The following FBXO11 variants were observed in gnomAD, a reference collection of about 807,000 sequenced individuals.
The protein encoded by FBXO11 is F-box only protein 11.
FBXO11 carries 13 observed loss-of-function variants against 117.0 expected under a neutral mutation model. The ratio of observed to expected loss-of-function variants is 0.11; its 90% CI spans 0.07 to 0.18. The LOEUF is 0.18. FBXO11 is among the 10% of genes least tolerant of loss of function. FBXO11 has a pLI of 1.00. For synonymous variants in FBXO11, 490 were observed against 380.5 expected, an observed-to-expected ratio of 1.29 and a Z score of -3.35; for missense variants, 767 against 1,164.4, an observed-to-expected ratio of 0.66 and a Z score of 4.97.
At chr2:47,844,766 C>T (rs756014139) in intron 1 of FBXO11, among the ~76,000 whole-genome samples, 10 of 152,218 alleles carry the variant, frequency 6.6e-5, no homozygotes, top group Non-Finnish European at 1.5e-4. Flanking sequence ...ATTCTCCCAC[C>T]TCAGTTTACA....
At position 47,832,217 on chromosome 2, in the gene FBXO11, T is replaced by A. The variant is rs964249374; in HGVS notation, c.1398+132A>T. 84 of 660,874 alleles carry A rather than the reference T, an allele frequency of 1.3e-4. No individual in the cohort carries two copies. The African/African-American group carries it at 1.4e-3, about 11-fold the overall frequency. The allele number at this position is 660,874 out of a possible 1,614,324, so 40.9% of individuals were successfully genotyped here. ...AATATTTCATATTAATTTTAAAAAA[T>A]AATGCTGAAATTGCTTTTAAACCTA... is the stretch of plus-strand genomic sequence containing the variant. On this transcript the variant is annotated intron_variant, in intron 11 of 22. Coordinates refer to ENST00000403359, the MANE Select transcript of FBXO11 (RefSeq NM_001190274.2).
intron 1 of FBXO11, among the ~76,000 whole-genome samples, chr2:47,901,396 A>T (rs924233900): frequency 7.2e-5 from 11 of 151,916 alleles, no homozygotes; most frequent in Non-Finnish European, 1.0e-4. Flanking sequence ...TAGAAAAAAA[A>T]TACATCTATT....
At chr2:47,900,643 TATAC>T (rs1678086063) in intron 1 of FBXO11, among the ~76,000 whole-genome samples, 1 of 87,828 alleles carries the variant, frequency 1.1e-5, no homozygotes, top group African/African-American at 3.3e-5. Context: ...CACGTACGTA[TATAC>T]ACACGTATAC....
At chr2:47,836,253 G>A (rs1261462615) in intron 4 of FBXO11, among the ~76,000 whole-genome samples, 2 of 152,026 alleles carry the variant, frequency 1.3e-5, no homozygotes, top group African/African-American at 4.8e-5. Flanking sequence ...AGCCTCCTGA[G>A]TAGCTGAGAT....
intron 5 of FBXO11, among the ~76,000 whole-genome samples, chr2:47,835,499 A>G (rs1257781436): frequency 3.3e-5 from 5 of 151,058 alleles, no homozygotes; most frequent in African/African-American, 1.2e-4. Flanking sequence ...AACCTACTCA[A>G]CTTTTTTTTT....
At chr2:47,891,045 A>C (rs931495200) in intron 1 of FBXO11, among the ~76,000 whole-genome samples, 12 of 151,754 alleles carry the variant, frequency 7.9e-5, no homozygotes, top group African/African-American at 2.9e-4. Context: ...ACTAGTATCA[A>C]ACTCCCGGGC....
chr2:47,901,128 C>CATATATATACATATAT (rs1262333844), intron 1 of FBXO11, among the ~76,000 whole-genome samples: 6 of 84,520 alleles, frequency 7.1e-5, no homozygotes, highest in Non-Finnish European at 8.9e-5. Flanking sequence ...CACGTGTGTA[C>CATATATATACATATAT]ATGTATATAT....
At chr2:47,826,114 A>C (rs1210220178) in intron 11 of FBXO11, among the ~76,000 whole-genome samples, 2 of 152,110 alleles carry the variant, frequency 1.3e-5, no homozygotes, top group Non-Finnish European at 2.9e-5. Context: ...GCTTGAGTGC[A>C]GTGGCACGAT....
chr2:47,884,708 T>A (rs1365171080), intron 1 of FBXO11, among the ~76,000 whole-genome samples: 1 of 131,518 alleles, frequency 7.6e-6, no homozygotes, highest in Non-Finnish European at 1.8e-5. Context: ...TCAGGTATTT[T>A]TGAAGTATTT....
intron 14 of FBXO11, among the ~76,000 whole-genome samples, chr2:47,819,382 A>C (rs1359408229): frequency 6.6e-6 from 1 of 152,012 alleles, no homozygotes; most frequent in Non-Finnish European, 1.5e-5. Flanking sequence ...CGCCTGGCTA[A>C]TTTTTGTATT....
intron 1 of FBXO11, among the ~76,000 whole-genome samples, chr2:47,841,637 AATT>A (rs959098339): frequency 4.6e-5 from 7 of 151,976 alleles, no homozygotes; most frequent in Admixed American, 2.0e-4. Flanking sequence ...TTGGTATTCA[AATT>A]ATTATTATTA....
At chr2:47,840,238 C>G (rs1364394551) in intron 1 of FBXO11, among the ~76,000 whole-genome samples, 9 of 151,930 alleles carry the variant, frequency 5.9e-5, no homozygotes, top group African/African-American at 1.9e-4. Flanking sequence ...CCACCACGCC[C>G]AGCCGTGGAA....
At chr2:47,829,209 A>C (rs1024621235) in intron 11 of FBXO11, among the ~76,000 whole-genome samples, 6 of 151,176 alleles carry the variant, frequency 4.0e-5, no homozygotes, top group African/African-American at 9.7e-5. Flanking sequence ...AAAATTTTAT[A>C]GTTATTTGGC....
intron 1 of FBXO11, among the ~76,000 whole-genome samples, chr2:47,901,111 A>G (rs1233898252): frequency 1.8e-5 from 2 of 109,564 alleles, no homozygotes; most frequent in Non-Finnish European, 4.1e-5. Context: ...ATATGTATAT[A>G]TGTACACACG....
intron 1 of FBXO11, among the ~76,000 whole-genome samples, chr2:47,860,816 A>T (rs1410548368): frequency 3.2e-4 from 1 of 3,148 alleles, no homozygotes; most frequent in African/African-American, 2.7e-3. Flanking sequence ...GAAAATAGGA[A>T]AAAAAAAAAA....
chr2:47,885,483 G>A (rs193085626), intron 1 of FBXO11, among the ~76,000 whole-genome samples: 27 of 152,130 alleles, frequency 1.8e-4, no homozygotes, highest in Non-Finnish European at 1.2e-4. Context: ...GCTGAGGCAC[G>A]AGAAACACTT....
chr2:47,900,865 C>CACACACACGTGTATATACACGTATAT (rs1678173648), intron 1 of FBXO11, among the ~76,000 whole-genome samples: 1 of 63,000 alleles, frequency 1.6e-5, no homozygotes, highest in Non-Finnish European at 3.4e-5. Flanking sequence ...TACACGTATA[C>CACACACACGTGTATATACACGTATAT]ACACACACGT....
rs186583857 is a variant in FBXO11 at position 47,901,221 on chromosome 2, C to A, written c.232+4268G>T. On this transcript the variant is annotated intron_variant, in intron 1 of 22. Coordinates refer to ENST00000403359, the MANE Select transcript of FBXO11 (RefSeq NM_001190274.2). ...TGTGTGTCATAGATAAGATTTTTAT[C>A]CCACAAATATGGGATTAGAGAGACT... Among the ~76,000 whole-genome samples, 143 of 146,066 alleles carry A rather than the reference C, an allele frequency of 9.8e-4. 1 individual carries two copies. The highest frequency in any genetic ancestry group is 3.7e-3 in the Middle Eastern group (1 of 268).
At chr2:47,839,844 A>T (rs903200798) in intron 1 of FBXO11, 75 bp from the exon 2 acceptor site, 14 of 1,395,960 alleles carry the variant, frequency 1.0e-5, no homozygotes, top group Middle Eastern at 2.2e-4. Context: ...AAACTTTCTT[A>T]AAACTTCAAA....
Sources: allele counts gnomAD v4.1 joint callset (sites outside exome capture counted in the v4.1 genomes callset), GRCh38; gene constraint gnomAD v4.1.1; transcripts MANE v1.5; gene names NCBI Gene and HGNC (gene_info 2026-07-23, HGNC 2026-07-21).